GRIA4: variants seen among roughly 807,000 people sequenced by gnomAD.
The protein encoded by GRIA4 is glutamate ionotropic receptor AMPA type subunit 4, also known as glutamate receptor 4.
In GRIA4, 34 loss-of-function variants were observed where a neutral mutation model predicts 104.0. That is an observed-to-expected ratio of 0.33 (90% CI 0.25 to 0.44). The LOEUF (loss-of-function observed/expected upper bound fraction) is 0.44, where lower values mean the gene tolerates loss of function less well. GRIA4 is among the 20% of genes least tolerant of loss of function. The pLI is 1.00. For missense variants in GRIA4, 750 were observed against 1,096.5 expected (o/e 0.68, Z 4.46); for synonymous variants, 386 against 381.9 (o/e 1.01, Z -0.13).
intron 14 of GRIA4, among the ~76,000 whole-genome samples, chr11:105,947,144 A>C (rs1591475986): frequency 6.6e-6 from 1 of 152,218 alleles, no homozygotes; most frequent in East Asian, 1.9e-4. Context: ...GTAGATAAAT[A>C]TATTATAATG....
intron 11 of GRIA4, among the ~76,000 whole-genome samples, 179 bp downstream of exon 11, chr11:105,919,097 A>G (rs981101840): frequency 3.9e-5 from 6 of 152,260 alleles, no homozygotes; most frequent in African/African-American, 1.4e-4. Context: ...AAACAATGAG[A>G]AAAACTGACA....
chr11:105,920,463 C>T (rs1947528241), intron 11 of GRIA4, among the ~76,000 whole-genome samples: 1 of 152,048 alleles, frequency 6.6e-6, no homozygotes, highest in African/African-American at 2.4e-5. Context: ...CTTGGATTAC[C>T]AGTTAGTTAT....
Position 105,914,968 on chromosome 11 carries a change from A to C in GRIA4, c.1270-3744A>C, listed in dbSNP as rs193245861. ...GCCCCCTACCTTTGTATTAACTCTA[A>C]TATGAAGTGTTTGAAGAGCTACTTG... On this transcript the variant is annotated intron_variant, in intron 10 of 16. Coordinates refer to ENST00000282499, the MANE Select transcript of GRIA4 (RefSeq NM_000829.4). Among the ~76,000 whole-genome samples, 4 of 152,222 alleles carry C rather than the reference A, an allele frequency of 2.6e-5. No individual in the cohort carries two copies. The East Asian group carries it at 7.7e-4, about 29-fold the overall frequency.
intron 3 of GRIA4, among the ~76,000 whole-genome samples, chr11:105,617,130 T>C (rs1209315000): frequency 1.3e-5 from 2 of 149,656 alleles, no homozygotes; most frequent in Non-Finnish European, 3.0e-5. Context: ...TACATATGAT[T>C]ATATATATAA....
chr11:105,706,420 T>G (rs1953701846), intron 3 of GRIA4: 1 of 152,848 alleles, frequency 6.5e-6, no homozygotes. Flanking sequence ...GCCTTAATGC[T>G]TCAAGTGTAG....
At chr11:105,955,431 T>C (rs547899727) in intron 14 of GRIA4, among the ~76,000 whole-genome samples, 1 of 152,334 alleles carries the variant, frequency 6.6e-6, no homozygotes, top group Non-Finnish European at 1.5e-5. Context: ...GCTTCATCCA[T>C]GTCCCTGCAA....
At chr11:105,958,141 A>G (rs978086803) in intron 14 of GRIA4, among the ~76,000 whole-genome samples, 7 of 152,190 alleles carry the variant, frequency 4.6e-5, no homozygotes, top group African/African-American at 1.7e-4. Flanking sequence ...AGAACTTCCA[A>G]CACTATGTTG....
chr11:105,613,827 G>A (rs531173567), intron 3 of GRIA4: 4 of 152,040 alleles, frequency 2.6e-5, no homozygotes, highest in African/African-American at 7.2e-5. Flanking sequence ...GGTTCTATGA[G>A]TTACTACTTA....
At chr11:105,939,108 A>G (rs1948122338) in intron 14 of GRIA4, among the ~76,000 whole-genome samples, 1 of 152,180 alleles carries the variant, frequency 6.6e-6, no homozygotes, top group Admixed American at 6.5e-5. Flanking sequence ...CATTAGTTAA[A>G]AAAAATGCTA....
intron 3 of GRIA4, among the ~76,000 whole-genome samples, chr11:105,716,639 A>G (rs687502): frequency 0.55 from 82,965 of 151,850 alleles, 22,794 homozygotes; most frequent in Admixed American, 0.62. Flanking sequence ...TACATCATTA[A>G]CAACGTATCA....
At chr11:105,624,874 A>G (rs1950845959) in intron 3 of GRIA4, among the ~76,000 whole-genome samples, 1 of 152,118 alleles carries the variant, frequency 6.6e-6, no homozygotes, top group African/African-American at 2.4e-5. Flanking sequence ...TTGGTTTTAC[A>G]TCTTTGATTT....
chr11:105,648,996 A>G (rs1221354009), intron 3 of GRIA4, among the ~76,000 whole-genome samples: 1 of 152,192 alleles, frequency 6.6e-6, no homozygotes, highest in Non-Finnish European at 1.5e-5. Flanking sequence ...TCCATTGCTC[A>G]TCACCTTCAC....
At chr11:105,874,411 G>T (rs935328990) in intron 5 of GRIA4, among the ~76,000 whole-genome samples, 1 of 151,848 alleles carries the variant, frequency 6.6e-6, no homozygotes, top group African/African-American at 2.4e-5. Flanking sequence ...CTCTTTTTTC[G>T]GTTCCATATG....
intron 16 of GRIA4, among the ~76,000 whole-genome samples, chr11:105,977,270 T>C (rs914566415): frequency 1.2e-4 from 18 of 152,020 alleles, no homozygotes; most frequent in African/African-American, 4.3e-4. Context: ...GATTTTGGTT[T>C]TGTTTAAATT....
intron 4 of GRIA4, among the ~76,000 whole-genome samples, chr11:105,813,862 ACATGAGAGAGACAAACTCTGTCT>A (rs1453454874): frequency 3.9e-5 from 6 of 152,072 alleles, no homozygotes; most frequent in Non-Finnish European, 7.4e-5. Flanking sequence ...AAATAAGAGG[ACATGAGAGAGACAAACTCTGTCT>A]CATGAGAGAG....
chr11:105,814,784 C>T (rs72985202), intron 4 of GRIA4, among the ~76,000 whole-genome samples: 12 of 152,178 alleles, frequency 7.9e-5, no homozygotes, highest in Non-Finnish European at 1.5e-4. Flanking sequence ...TCTTACAATC[C>T]TGTATAGCCC....
chr11:105,783,148 A>G (rs2135779720), intron 4 of GRIA4, among the ~76,000 whole-genome samples: 1 of 152,324 alleles, frequency 6.6e-6, no homozygotes, highest in East Asian at 1.9e-4. Flanking sequence ...AATTAAGAGT[A>G]AAATAATTCA....
chr11:105,898,688 A>T (rs567088484), intron 7 of GRIA4, among the ~76,000 whole-genome samples: 4 of 152,098 alleles, frequency 2.6e-5, no homozygotes, highest in Non-Finnish European at 4.4e-5. Flanking sequence ...TCAGAATTAA[A>T]TTTTTTTTAA....
At chr11:105,642,670 G>C (rs1417283822) in intron 3 of GRIA4, among the ~76,000 whole-genome samples, 1 of 151,728 alleles carries the variant, frequency 6.6e-6, no homozygotes, top group African/African-American at 2.4e-5. Context: ...TCCTGAAGTT[G>C]GGACTTCTGT....
Sources: gnomAD v4.1 joint callset for allele counts (sites outside exome capture counted in the v4.1 genomes callset) on GRCh38, gnomAD v4.1.1 for gene constraint, MANE v1.5 for transcripts, NCBI Gene and HGNC (gene_info 2026-07-23, HGNC 2026-07-21) for gene names.